The following KIF6 variants were observed in gnomAD, a reference collection of about 807,000 sequenced individuals.
The protein encoded by KIF6 is kinesin-like protein KIF6.
Under a neutral mutation model 112.7 loss-of-function variants are expected in KIF6, and 106 were observed. That is an observed-to-expected ratio of 0.94 (90% CI 0.80 to 1.11). KIF6 has a LOEUF of 1.11. KIF6 is among the 50% of genes least tolerant of loss of function. KIF6 has a pLI of 0.00. For missense variants in KIF6, 929 were observed against 964.0 expected, an observed-to-expected ratio of 0.96 and a Z score of 0.48; for synonymous variants, 339 against 339.9, an observed-to-expected ratio of 1.00 and a Z score of 0.03.
chr6:39,437,329 T>G (rs1297082410), intron 13 of KIF6, among the ~76,000 whole-genome samples: 1 of 152,226 alleles, frequency 6.6e-6, no homozygotes, highest in Non-Finnish European at 1.5e-5. Context: ...ATAGTTTGAC[T>G]TTCTCTTTTC....
In KIF6 at chr6:39,385,634, G is replaced by C; in HGVS notation, c.1849C>G (p.Gln617Glu). 6.2e-7 allele frequency: 1 copy of C among 1,613,396 alleles called. No homozygotes were observed. The highest frequency in any genetic ancestry group is 8.5e-7 in the Non-Finnish European group (1 of 1,179,452). ...TCTTTGTACCTACCTAGGGCTACTT[G>C]CTGTATATGCCGCTGGGTGATTTCT... Reference protein sequence around the residue: ...KEEITQRHIQQVALGISENMA... With the variant: ...KEEITQRHIQEVALGISENMA... Residue 617 changes from glutamine to glutamate, a missense_variant, in exon 16 of 23, where the codon CAA becomes GAA. Around this residue, in one of 2 missense-constraint regions of KIF6, gnomAD observed 241 missense variants for 301.4 expected, o/e 0.80. Transcript: ENST00000287152.
chr6:39,650,063 T>C (rs1409293266), intron 3 of KIF6, among the ~76,000 whole-genome samples: 1 of 152,200 alleles, frequency 6.6e-6, no homozygotes, highest in African/African-American at 2.4e-5. Flanking sequence ...AGGGGATCTC[T>C]TGAGATCCTT....
At chr6:39,632,820 C>G (rs189041411) in intron 5 of KIF6, among the ~76,000 whole-genome samples, 2 of 152,050 alleles carry the variant, frequency 1.3e-5, no homozygotes, top group Admixed American at 1.3e-4. Context: ...TGGGGTTTCA[C>G]CATGTTAGCC....
Position 39,725,394 on chromosome 6 carries a change from A to G in KIF6, c.-84T>C. ...ACTCCCACCACCTCCGGCGACCCAC[A>G]GTCTTAGCAACAGTAGCTAGGGACA... On this transcript the variant is annotated 5_prime_UTR_variant, in exon 1 of 23. Transcript: ENST00000287152. 3.7e-6 allele frequency: 4 copies of G among 1,095,694 alleles called. No homozygotes were observed. Among genetic ancestry groups the G allele is most frequent in the Non-Finnish European group, 4.1e-6 (3 of 732,814 alleles). 67.9% of individuals were successfully genotyped at this position (1,095,694 alleles called of 1,614,324 possible).
intron 3 of KIF6, among the ~76,000 whole-genome samples, chr6:39,677,389 GA>G (rs1453143317): frequency 6.6e-6 from 1 of 151,516 alleles, no homozygotes; most frequent in Non-Finnish European, 1.5e-5. Context: ...AAATCAAACA[GA>G]AAAAAAATTC....
intron 16 of KIF6, among the ~76,000 whole-genome samples, chr6:39,379,588 G>C (rs1301126903): frequency 1.3e-5 from 2 of 152,246 alleles, no homozygotes; most frequent in Non-Finnish European, 2.9e-5. Flanking sequence ...AGGGGTCAGG[G>C]AAGGCTTCAC....
chr6:39,701,733 G>A (rs547953886), intron 3 of KIF6, among the ~76,000 whole-genome samples: 1 of 152,220 alleles, frequency 6.6e-6, no homozygotes, highest in African/African-American at 2.4e-5. Context: ...CCACTGAAGG[G>A]TTCTGAGCAG....
At chr6:39,697,948 T>C (rs183363179) in intron 3 of KIF6, among the ~76,000 whole-genome samples, 22 of 152,336 alleles carry the variant, frequency 1.4e-4, no homozygotes. Flanking sequence ...AGTGTCTATC[T>C]TAATATCTCC....
intron 10 of KIF6, among the ~76,000 whole-genome samples, chr6:39,561,953 A>T (rs1177241406): frequency 6.6e-6 from 1 of 152,244 alleles, no homozygotes; most frequent in African/African-American, 2.4e-5. Flanking sequence ...ATACTGACCG[A>T]AACAAGAAGT....
chr6:39,588,764 T>C (rs1394829824), intron 7 of KIF6, among the ~76,000 whole-genome samples: 3 of 152,166 alleles, frequency 2.0e-5, no homozygotes, highest in Non-Finnish European at 4.4e-5. Context: ...TTTGTCTTCA[T>C]CCCCAATATC....
chr6:39,559,842 A>G lies in KIF6; in HGVS notation c.1182-14154T>C, dbSNP rs78715526. ...TAAGTGGTACTTTAAAAAAAAAAAA[A>G]GGTATAACAGCAAATATCAACTAAC... On this transcript the variant is annotated intron_variant, in intron 10 of 22. Coordinates refer to ENST00000287152, the MANE Select transcript of KIF6 (RefSeq NM_145027.6). Among the ~76,000 whole-genome samples the G allele has an allele frequency of 3.3e-5, 5 of 152,042 alleles. No individual in the cohort carries two copies. The South Asian group carries it at 1.0e-3, about 32-fold the overall frequency.
At chr6:39,396,483 G>T (rs1350316787) in intron 15 of KIF6, among the ~76,000 whole-genome samples, 1 of 152,184 alleles carries the variant, frequency 6.6e-6, no homozygotes, top group Non-Finnish European at 1.5e-5. Context: ...AGCCTTCAGA[G>T]ACAACTGAAC....
At chr6:39,532,950 G>T (rs777765562) in intron 13 of KIF6, among the ~76,000 whole-genome samples, 1 of 152,174 alleles carries the variant, frequency 6.6e-6, no homozygotes, top group Non-Finnish European at 1.5e-5. Flanking sequence ...AAACACACGC[G>T]AATGAACTTG....
chr6:39,430,958 T>A, intron 14 of KIF6, 95 bp downstream of exon 14: 2 of 638,650 alleles, frequency 3.1e-6, no homozygotes, highest in Non-Finnish European at 2.8e-6. Context: ...GTAATAGTTA[T>A]GTTGGGCAGA....
At chr6:39,392,629 A>C (rs1169722497) in intron 15 of KIF6, among the ~76,000 whole-genome samples, 2 of 152,256 alleles carry the variant, frequency 1.3e-5, no homozygotes, top group Non-Finnish European at 2.9e-5. Context: ...AACAAATAAA[A>C]AGTACAGAGA....
At chr6:39,570,442 G>T (rs1410793760) in intron 10 of KIF6, among the ~76,000 whole-genome samples, 1 of 152,170 alleles carries the variant, frequency 6.6e-6, no homozygotes, top group Non-Finnish European at 1.5e-5. Context: ...AATACACTGG[G>T]GAGGAGATGT....
At chr6:39,645,733 A>C (rs1298728167) in intron 3 of KIF6, among the ~76,000 whole-genome samples, 1 of 152,200 alleles carries the variant, frequency 6.6e-6, no homozygotes, top group African/African-American at 2.4e-5. Flanking sequence ...AAGGAATGGT[A>C]CCAGCTCCTG....
At position 39,720,708 on chromosome 6, in the gene KIF6, T is replaced by C; in HGVS notation, c.170A>G (p.Lys57Arg). 4 of 1,547,924 alleles carry C rather than the reference T, an allele frequency of 2.6e-6. No individual in the cohort carries two copies. The highest frequency in any genetic ancestry group is 3.6e-6 in the Non-Finnish European group (4 of 1,120,190). ...AGGAGAAAGAAAAACTTACTTAAAT[T>C]TGTAGCTTTCTCGCTTATTATTCAC... Reference protein sequence around the residue: ...GFVNNKRESYKFKFQRIFDQD... With the variant: ...GFVNNKRESYRFKFQRIFDQD... Residue 57 changes from lysine to arginine, a missense_variant, in exon 2 of 23, where the codon AAA becomes AGA. This residue lies in a region of KIF6 where 688 missense variants were observed against 662.7 expected (regional missense o/e 1.04). Coordinates refer to ENST00000287152, the MANE Select transcript of KIF6 (RefSeq NM_145027.6).
intron 14 of KIF6, among the ~76,000 whole-genome samples, chr6:39,422,547 A>G (rs1456591680): frequency 6.6e-6 from 1 of 152,166 alleles, no homozygotes; most frequent in African/African-American, 2.4e-5. Context: ...CCCCACCCAC[A>G]TGTGTTCCTG....
Sources: gnomAD v4.1 joint callset for allele counts (sites outside exome capture counted in the v4.1 genomes callset) on GRCh38, gnomAD v4.1.1 for gene constraint, gnomAD v4.1.1 regional missense constraint, MANE v1.5 for transcripts, NCBI Gene and HGNC (gene_info 2026-07-23, HGNC 2026-07-21) for gene names.